CDS2: variants seen among roughly 807,000 people sequenced by gnomAD.
CDS2 encodes CDP-diacylglycerol synthase 2.
A neutral mutation model predicts 59.0 loss-of-function variants in CDS2; 47 were observed. That is an observed-to-expected ratio of 0.80 (90% CI 0.63 to 1.02). The LOEUF (loss-of-function observed/expected upper bound fraction) is 1.02. Ranked by LOEUF, CDS2 falls within the 50% of genes least tolerant of loss-of-function variation. CDS2 has a pLI of 0.00. For synonymous variants in CDS2, 207 were observed against 206.4 expected (o/e 1.00, Z -0.02); for missense variants, 356 against 558.9 (o/e 0.64, Z 3.66).
At chr20:5,129,201 C>T (rs1368044467) in intron 1 of CDS2, among the ~76,000 whole-genome samples, 1 of 152,166 alleles carries the variant, frequency 6.6e-6, no homozygotes, top group Non-Finnish European at 1.5e-5. Context: ...TGTTCATTAC[C>T]GAGAACAAGA....
chr20:5,187,012 C>T (rs1454969745), intron 10 of CDS2, 173 bp downstream of exon 10: 2 of 637,602 alleles, frequency 3.1e-6, no homozygotes, highest in East Asian at 2.8e-5. Flanking sequence ...GGACAGCTTT[C>T]CCCCAACATC....
At chr20:5,185,404 G>A (rs2091060122) in intron 8 of CDS2, among the ~76,000 whole-genome samples, 1 of 152,200 alleles carries the variant, frequency 6.6e-6, no homozygotes. Context: ...CAGCCTGGGT[G>A]ATGGGGCAAG....
rs568512657 is a variant in CDS2 at position 5,192,632 on chromosome 20, T to A, written c.*2398T>A. 5.9e-5 allele frequency: 9 copies of A among 152,294 alleles called. No homozygotes were observed. Among genetic ancestry groups the A allele is most frequent in the Admixed American group, 5.9e-4 (9 of 15,298 alleles). 9.4% of individuals were successfully genotyped at this position (152,294 alleles called of 1,614,324 possible). On this transcript the variant is annotated 3_prime_UTR_variant, in exon 13 of 13. Transcript: ENST00000460006. ...ACTTGCTTTAGACCCATTTTTTTTT[T>A]ATTGGTCAGAAATAAAATGTGACTG...
chr20:5,155,654 A>G (rs2090827884), intron 1 of CDS2, among the ~76,000 whole-genome samples: 1 of 152,194 alleles, frequency 6.6e-6, no homozygotes, highest in African/African-American at 2.4e-5. Flanking sequence ...TAGGGCCCAC[A>G]TGGATACTCC....
intron 1 of CDS2, among the ~76,000 whole-genome samples, chr20:5,169,129 C>T (rs1470352): frequency 0.42 from 63,513 of 152,116 alleles, 13,597 homozygotes; most frequent in South Asian, 0.53. Context: ...TATACCAGCA[C>T]TACAACCCCC....
rs1042760315 is a variant in CDS2 at position 5,193,137 on chromosome 20, A to C, written c.*2903A>C. On this transcript the variant is annotated 3_prime_UTR_variant, in exon 13 of 13. Coordinates refer to ENST00000460006, the MANE Select transcript of CDS2 (RefSeq NM_003818.4). ...CTGGGAGCTCTGCTCATGACCGCTC[A>C]CAGGGTACCGAGTCTTTGCCTTTTG... 6.6e-6 allele frequency: 1 copy of C among 152,234 alleles called. No homozygotes were observed. Among genetic ancestry groups the C allele is most frequent in the African/African-American group, 2.4e-5 (1 of 41,466 alleles). 9.4% of individuals were successfully genotyped at this position (152,234 alleles called of 1,614,324 possible).
intron 3 of CDS2, 153 bp from the exon 4 acceptor site, chr20:5,176,495 G>C: frequency 1.5e-6 from 1 of 654,058 alleles, no homozygotes; most frequent in South Asian, 1.7e-5. Context: ...CTGTGGGATG[G>C]TATGAGAGAG....
At chr20:5,151,750 C>CTTTTTTTTTTTTTTTT (rs57378947) in intron 1 of CDS2, among the ~76,000 whole-genome samples, 1 of 53,178 alleles carries the variant, frequency 1.9e-5, no homozygotes, top group Non-Finnish European at 4.4e-5. Flanking sequence ...GACTCCATGT[C>CTTTTTTTTTTTTTTTT]TTTTTTTTTT....
At chr20:5,145,822 G>GGTTT (rs773575866) in intron 1 of CDS2, among the ~76,000 whole-genome samples, 1 of 129,252 alleles carries the variant, frequency 7.7e-6, no homozygotes, top group African/African-American at 3.0e-5. Flanking sequence ...TGCTTTTTGT[G>GGTTT]TTTTTTTTTT....
rs961659045 is a variant in CDS2 at position 5,184,282 on chromosome 20, A to G, written c.672-576A>G. Among the ~76,000 whole-genome samples, 3 of 152,182 alleles carry G rather than the reference A, an allele frequency of 2.0e-5. No homozygotes were observed. Among genetic ancestry groups the G allele is most frequent in the Non-Finnish European group, 4.4e-5 (3 of 68,026 alleles). Reference sequence around the variant, plus strand: ...GGAAACCACCTCTTTCATAGTGAGGATGACTGGATCAGCAGGGGAGTGGGC... The same window carrying G: ...GGAAACCACCTCTTTCATAGTGAGGGTGACTGGATCAGCAGGGGAGTGGGC... On this transcript the variant is annotated intron_variant, in intron 7 of 12. Coordinates refer to ENST00000460006, the MANE Select transcript of CDS2 (RefSeq NM_003818.4). This position sits in a 1 kb window ranked among gnomAD's most constrained non-coding sequence, Gnocchi z 4.3.
At chr20:5,150,890 A>G (rs1197133673) in intron 1 of CDS2, among the ~76,000 whole-genome samples, 2 of 152,234 alleles carry the variant, frequency 1.3e-5, no homozygotes, top group African/African-American at 4.8e-5. Context: ...CTGATTCATC[A>G]TAGGGTTCCT....
intron 1 of CDS2, among the ~76,000 whole-genome samples, chr20:5,144,596 G>A (rs941494428): frequency 3.3e-5 from 5 of 152,164 alleles, no homozygotes; most frequent in Admixed American, 2.6e-4. Flanking sequence ...ACCAAAATGA[G>A]TAATGATTCT....
In CDS2 at chr20:5,143,490, A is replaced by T. The variant is rs2090712477; in HGVS notation, c.57+16341A>T. ...TTCACTGAAAGTCAAGTTCCAGAAC[A>T]TTCAAAGCAGTGTTCTTTGTAGTAG... On this transcript the variant is annotated intron_variant, in intron 1 of 12. Coordinates refer to ENST00000460006, the MANE Select transcript of CDS2 (RefSeq NM_003818.4). Among the ~76,000 whole-genome samples the T allele has an allele frequency of 2.0e-5, 3 of 152,234 alleles. No individual in the cohort carries two copies. In the South Asian group the frequency reaches 6.2e-4, roughly 32 times the overall value.
At chr20:5,187,199 A>T in intron 10 of CDS2, 1 of 239,090 alleles carries the variant, frequency 4.2e-6, no homozygotes, top group Admixed American at 4.6e-5. Context: ...ATACGGCGCA[A>T]AAGCAGCAGT....
rs1713265652 is a variant in CDS2 at position 5,190,482 on chromosome 20, A to AT, written c.*255dup. 3 of 364,864 alleles carry AT rather than the reference A, an allele frequency of 8.2e-6. No homozygotes were observed. The highest frequency in any genetic ancestry group is 9.8e-6 in the Non-Finnish European group (2 of 203,870). 22.6% of individuals were successfully genotyped at this position (364,864 alleles called of 1,614,324 possible). The stretch of plus-strand genomic sequence containing the variant: ...AGTCACGGGTTGTAAAACCATTTGG[A>AT]TTTTTTTAAAACAAAAGTATTAATA... On this transcript the variant is annotated 3_prime_UTR_variant, in exon 13 of 13. Transcript: ENST00000460006.
In CDS2 at chr20:5,127,037, C is replaced by G. The variant is rs2090557844; in HGVS notation, c.-56C>G. The stretch of plus-strand genomic sequence containing the variant: ...GTCCGCGCGTGCCCGCGCCGAGCTG[C>G]CTGCTCCGGCGGCTTCGCTGCTAGC... On this transcript the variant is annotated 5_prime_UTR_variant, in exon 1 of 13. Transcript: ENST00000460006. 5.5e-6 allele frequency: 8 copies of G among 1,463,816 alleles called. No homozygotes were observed. In the South Asian group the frequency reaches 1.0e-4, roughly 19 times the overall value. 90.7% of individuals were successfully genotyped at this position (1,463,816 alleles called of 1,614,324 possible).
At chr20:5,159,481 ATTATAGTTTT>A (rs1475020846) in intron 1 of CDS2, among the ~76,000 whole-genome samples, 6 of 152,100 alleles carry the variant, frequency 3.9e-5, no homozygotes, top group African/African-American at 1.4e-4. Flanking sequence ...TTAAAAGTAT[ATTATAGTTTT>A]TTTCTTTTTG....
intron 1 of CDS2, among the ~76,000 whole-genome samples, chr20:5,170,098 G>T (rs749024571): frequency 6.6e-6 from 1 of 152,152 alleles, no homozygotes; most frequent in African/African-American, 2.4e-5. Flanking sequence ...ACAACCTTCC[G>T]AGACAGGGAT....
chr20:5,134,731 G>C (rs2090634820), intron 1 of CDS2, among the ~76,000 whole-genome samples: 1 of 152,086 alleles, frequency 6.6e-6, no homozygotes, highest in Non-Finnish European at 1.5e-5. Context: ...ATGTTGGCCA[G>C]GCTGGTCTCA....
Sources: gnomAD v4.1 joint callset for allele counts (sites outside exome capture counted in the v4.1 genomes callset) on GRCh38, gnomAD v4.1.1 for gene constraint, Gnocchi (gnomAD v3.1) non-coding constraint, MANE v1.5 for transcripts, NCBI Gene and HGNC (gene_info 2026-07-23, HGNC 2026-07-21) for gene names.